Variants in DIS3L2 observed in about 807,000 individuals in gnomAD.
DIS3L2 encodes the protein DIS3 like 3'-5' exoribonuclease 2, also known as DIS3-like exonuclease 2.
Under a neutral mutation model 97.5 loss-of-function variants are expected in DIS3L2, and 34 were observed. That is an observed-to-expected ratio of 0.35 (90% CI 0.27 to 0.46). The LOEUF is 0.46. Among genes scored for constraint, DIS3L2 ranks in the 20% least tolerant of loss-of-function variants. The pLI is 1.00. For synonymous variants in DIS3L2, 435 were observed against 445.2 expected, an observed-to-expected ratio of 0.98 and a Z score of 0.29; for missense variants, 1,038 against 1,146.0, an observed-to-expected ratio of 0.91 and a Z score of 1.36.
intron 1 of DIS3L2, among the ~76,000 whole-genome samples, chr2:231,976,696 A>C (rs1693105237): frequency 6.6e-6 from 1 of 151,740 alleles, no homozygotes; most frequent in African/African-American, 2.4e-5. Flanking sequence ...AGCTTAGCTT[A>C]GCTTACCTTA....
At chr2:232,093,753 T>G (rs2106316027) in intron 6 of DIS3L2, among the ~76,000 whole-genome samples, 1 of 152,322 alleles carries the variant, frequency 6.6e-6, no homozygotes, top group Admixed American at 6.5e-5. Flanking sequence ...ATCTCTGATT[T>G]TATTTCTTAG....
intron 11 of DIS3L2, 33 bp downstream of exon 11, chr2:232,238,678 CTTTG>C (rs749856205): frequency 1.6e-4 from 253 of 1,565,936 alleles, no homozygotes; most frequent in Non-Finnish European, 1.5e-4. Flanking sequence ...TTTTTTCTTG[CTTTG>C]TTTATTTGTT....
chr2:232,264,780 G>C (rs1693811738), intron 13 of DIS3L2, among the ~76,000 whole-genome samples: 1 of 152,212 alleles, frequency 6.6e-6, no homozygotes, highest in South Asian at 2.1e-4. Context: ...TTCTAAGCAG[G>C]CATTGCAAAT....
chr2:232,226,150 CTT>C (rs1692641600), intron 10 of DIS3L2, among the ~76,000 whole-genome samples: 1 of 152,182 alleles, frequency 6.6e-6, no homozygotes, highest in African/African-American at 2.4e-5. Flanking sequence ...CAGTTGCACA[CTT>C]TGAGTGAACT....
At chr2:232,247,621 G>T (rs1360349763) in intron 11 of DIS3L2, among the ~76,000 whole-genome samples, 14 of 57,760 alleles carry the variant, frequency 2.4e-4, no homozygotes, top group East Asian at 2.1e-3. Context: ...TGCCGCGGGG[G>T]GGGGGGGGGG....
At chr2:232,006,025 TA>T (rs1694044403) in intron 1 of DIS3L2, among the ~76,000 whole-genome samples, 1 of 152,000 alleles carries the variant, frequency 6.6e-6, no homozygotes. Flanking sequence ...CTGTCTCTAC[TA>T]AAAATACAAA....
At chr2:232,203,122 T>G (rs4973508) in intron 9 of DIS3L2, among the ~76,000 whole-genome samples, 2 of 152,124 alleles carry the variant, frequency 1.3e-5, no homozygotes, top group African/African-American at 4.8e-5. Context: ...GCTGATTTCT[T>G]TATAAACTGT....
intron 5 of DIS3L2, among the ~76,000 whole-genome samples, chr2:232,057,758 A>T (rs1470574387): frequency 6.6e-6 from 1 of 152,090 alleles, no homozygotes; most frequent in South Asian, 2.1e-4. Flanking sequence ...AAGATAATAA[A>T]TGTGTCTTGT....
chr2:232,100,807 G>GTGTGTT (rs1697178697), intron 6 of DIS3L2, among the ~76,000 whole-genome samples: 1 of 86,064 alleles, frequency 1.2e-5, no homozygotes, highest in Admixed American at 1.5e-4. Flanking sequence ...AAAGAAAGGT[G>GTGTGTT]TGTGTGTGTG....
chr2:232,319,886 C>A (rs1008282860), intron 14 of DIS3L2, among the ~76,000 whole-genome samples: 1 of 152,220 alleles, frequency 6.6e-6, no homozygotes, highest in Admixed American at 6.5e-5. Flanking sequence ...TTGACCCAGC[C>A]TGCCTGAAAG....
chr2:232,118,498 C>G (rs1574889086), intron 6 of DIS3L2, among the ~76,000 whole-genome samples: 1 of 152,118 alleles, frequency 6.6e-6, no homozygotes, highest in African/African-American at 2.4e-5. Flanking sequence ...GACTTAAAAA[C>G]TTTTTTCTCA....
rs1574929742 is a variant in DIS3L2 at position 232,181,373 on chromosome 2, G to A, written c.1124+17741G>A. ...AATGTTGGGCTGCCTTGCTAGATTGGGGAAGTTCTCCTGGATGATATCCTG... is the reference window on the plus strand; with the variant it reads ...AATGTTGGGCTGCCTTGCTAGATTGAGGAAGTTCTCCTGGATGATATCCTG... On this transcript the variant is annotated intron_variant, in intron 9 of 20. Coordinates refer to ENST00000325385, the MANE Select transcript of DIS3L2 (RefSeq NM_152383.5). Among the ~76,000 whole-genome samples, 5 of 152,220 alleles carry A rather than the reference G, an allele frequency of 3.3e-5. No individual in the cohort carries two copies. In the South Asian group the frequency reaches 1.0e-3, roughly 32 times the overall value.
chr2:232,264,610 G>GA (rs1298592136), intron 13 of DIS3L2, among the ~76,000 whole-genome samples: 1 of 152,152 alleles, frequency 6.6e-6, no homozygotes, highest in African/African-American at 2.4e-5. Flanking sequence ...CCACGTGTCT[G>GA]AAATGAGGTG....
At position 232,283,994 on chromosome 2, in the gene DIS3L2, C is replaced by T. The variant is rs548962198; in HGVS notation, c.1660-16046C>T. Among the ~76,000 whole-genome samples the T allele has an allele frequency of 1.2e-4, 19 of 152,152 alleles. No individual in the cohort carries two copies. The South Asian group carries it at 3.1e-3, about 25-fold the overall frequency. ...CTTGGGTGGAAATTGGAGATGGGCA[C>T]GTGGAACCTTTCTATACTACCTTTG... On this transcript the variant is annotated intron_variant, in intron 13 of 20. Coordinates refer to ENST00000325385, the MANE Select transcript of DIS3L2 (RefSeq NM_152383.5).
chr2:232,059,849 A>AT (rs1695653150), intron 5 of DIS3L2, among the ~76,000 whole-genome samples: 1 of 152,132 alleles, frequency 6.6e-6, no homozygotes, highest in Non-Finnish European at 1.5e-5. Context: ...ATTCCATGGT[A>AT]TATGTGTACC....
At chr2:232,194,411 G>C (rs1275529000) in intron 9 of DIS3L2, among the ~76,000 whole-genome samples, 1 of 152,140 alleles carries the variant, frequency 6.6e-6, no homozygotes, top group Non-Finnish European at 1.5e-5. Flanking sequence ...CATGAATTCA[G>C]GGTGTTTTGG....
At chr2:231,971,361 C>G (rs2106164078) in intron 1 of DIS3L2, among the ~76,000 whole-genome samples, 1 of 151,892 alleles carries the variant, frequency 6.6e-6, no homozygotes, top group Non-Finnish European at 1.5e-5. Context: ...TGCCTGCAAC[C>G]TCTGCCTCCC....
chr2:232,208,166 T>G (rs1238643554), intron 9 of DIS3L2, among the ~76,000 whole-genome samples: 1 of 152,164 alleles, frequency 6.6e-6, no homozygotes, highest in African/African-American at 2.4e-5. Flanking sequence ...TTAGTTCCAC[T>G]CCCCCTGCTG....
chr2:232,340,410 G>A (rs1263129351), downstream of DIS3L2, among the ~76,000 whole-genome samples: 1 of 152,158 alleles, frequency 6.6e-6, no homozygotes, highest in Non-Finnish European at 1.5e-5. Flanking sequence ...CAATTCAGTA[G>A]GCAGGCAGCT....
Sources: gnomAD v4.1 joint callset for allele counts (sites outside exome capture counted in the v4.1 genomes callset) on GRCh38, gnomAD v4.1.1 for gene constraint, MANE v1.5 for transcripts, NCBI Gene and HGNC (gene_info 2026-07-23, HGNC 2026-07-21) for gene names.